ZNF521: variants seen among roughly 807,000 people sequenced by gnomAD.
ZNF521 encodes the protein zinc finger protein 521.
In ZNF521, 14 loss-of-function variants were observed where a neutral mutation model predicts 105.5. The observed-to-expected ratio is 0.13, with a 90% confidence interval of 0.09 to 0.21. The LOEUF is 0.21. Ranked by LOEUF, ZNF521 falls within the 10% of genes least tolerant of loss-of-function variation. The pLI is 1.00. For missense variants in ZNF521, 1,233 were observed against 1,629.7 expected, an observed-to-expected ratio of 0.76 and a Z score of 4.19; for synonymous variants, 635 against 606.0, an observed-to-expected ratio of 1.05 and a Z score of -0.70.
intron 5 of ZNF521, among the ~76,000 whole-genome samples, chr18:25,150,140 C>G (rs192222506): frequency 5.3e-5 from 8 of 152,124 alleles, no homozygotes; most frequent in Non-Finnish European, 1.2e-4. Flanking sequence ...TTGGATGGAA[C>G]TGGAGACCAT....
intron 2 of ZNF521, among the ~76,000 whole-genome samples, chr18:25,328,499 A>G (rs1600314491): frequency 1.3e-5 from 2 of 152,158 alleles, no homozygotes; most frequent in East Asian, 3.9e-4. Context: ...CCAATCAGAA[A>G]GATATACCCA....
At chr18:25,342,377 A>G (rs974056616) in intron 2 of ZNF521, among the ~76,000 whole-genome samples, 2 of 151,116 alleles carry the variant, frequency 1.3e-5, no homozygotes, top group Non-Finnish European at 2.9e-5. Flanking sequence ...GTTTGTGAAG[A>G]CTTTACAGCC....
chr18:25,072,678 A>G (rs2033256644), intron 7 of ZNF521, among the ~76,000 whole-genome samples: 1 of 152,230 alleles, frequency 6.6e-6, no homozygotes, highest in African/African-American at 2.4e-5. Flanking sequence ...GAAAATTTAA[A>G]TCAAACTATA....
chr18:25,253,211 C>T (rs148791051), intron 3 of ZNF521, among the ~76,000 whole-genome samples: 1 of 152,246 alleles, frequency 6.6e-6, no homozygotes, highest in East Asian at 1.9e-4. Flanking sequence ...AAGAATTTTC[C>T]TTTTGAATCC....
intron 5 of ZNF521, among the ~76,000 whole-genome samples, chr18:25,162,911 C>T (rs1052475282): frequency 2.0e-5 from 3 of 152,022 alleles, no homozygotes; most frequent in African/African-American, 7.3e-5. Flanking sequence ...GTTTAATATG[C>T]TAAGACTGGA....
At chr18:25,321,222 A>C (rs1227283976) in intron 3 of ZNF521, among the ~76,000 whole-genome samples, 1 of 152,210 alleles carries the variant, frequency 6.6e-6, no homozygotes, top group Non-Finnish European at 1.5e-5. Context: ...TGTATCTTAC[A>C]GAGTTCTATC....
intron 5 of ZNF521, among the ~76,000 whole-genome samples, chr18:25,093,573 G>A (rs1250331978): frequency 6.6e-6 from 1 of 152,126 alleles, no homozygotes; most frequent in Non-Finnish European, 1.5e-5. Flanking sequence ...CACTCTATTT[G>A]TATTCCTAAT....
rs190486830 is a variant in ZNF521, at chr18:25,069,259, C to T, written c.3907-6518G>A. On this transcript the variant is annotated intron_variant, in intron 7 of 7. Coordinates refer to ENST00000361524, the MANE Select transcript of ZNF521 (RefSeq NM_015461.3). ...AGTAAAATAGTTTTAAAAGTGTATA[C>T]AGCTAATGATGACAGGATCCTGGGT... Among the ~76,000 whole-genome samples, 20 of 152,186 alleles carry T rather than the reference C, an allele frequency of 1.3e-4. No homozygotes were observed. The East Asian group carries it at 3.5e-3, about 26-fold the overall frequency.
At chr18:25,098,938 T>A (rs1045600916) in intron 5 of ZNF521, among the ~76,000 whole-genome samples, 2 of 152,186 alleles carry the variant, frequency 1.3e-5, no homozygotes, top group African/African-American at 4.8e-5. Context: ...ATGAATGGAA[T>A]GATTGAAGAC....
chr18:25,245,877 T>C (rs1907676954), intron 3 of ZNF521, among the ~76,000 whole-genome samples: 1 of 152,130 alleles, frequency 6.6e-6, no homozygotes, highest in African/African-American at 2.4e-5. Flanking sequence ...CCAGATGTGA[T>C]GGTACATGCC....
chr18:25,068,787 G>C (rs1258399880), intron 7 of ZNF521, among the ~76,000 whole-genome samples: 1 of 152,158 alleles, frequency 6.6e-6, no homozygotes, highest in African/African-American at 2.4e-5. Context: ...ACCATTATGA[G>C]TCTGGCTGGC....
At chr18:25,129,264 TA>T (rs1331453392) in intron 5 of ZNF521, among the ~76,000 whole-genome samples, 32 of 79,852 alleles carry the variant, frequency 4.0e-4, no homozygotes, top group South Asian at 1.7e-3. Context: ...ATAATAATAA[TA>T]ATTATTATTA....
At chr18:25,199,874 T>C (rs2035962742) in intron 4 of ZNF521, among the ~76,000 whole-genome samples, 1 of 152,074 alleles carries the variant, frequency 6.6e-6, no homozygotes, top group South Asian at 2.1e-4. Context: ...TTTTGTTTTT[T>C]ACATAAATCT....
chr18:25,119,272 A>C (rs2034388088), intron 5 of ZNF521, among the ~76,000 whole-genome samples: 2 of 152,194 alleles, frequency 1.3e-5, no homozygotes, highest in Non-Finnish European at 2.9e-5. Flanking sequence ...CCCGCCAATG[A>C]CTAGACACAT....
intron 7 of ZNF521, among the ~76,000 whole-genome samples, chr18:25,063,376 G>A (rs968921522): frequency 2.6e-5 from 4 of 152,052 alleles, no homozygotes; most frequent in African/African-American, 9.7e-5. Flanking sequence ...CGTGGCTCAG[G>A]GGCAGATTAC....
chr18:25,238,084 T>C (rs975955791), intron 3 of ZNF521, among the ~76,000 whole-genome samples: 6 of 152,022 alleles, frequency 3.9e-5, no homozygotes, highest in African/African-American at 1.4e-4. Context: ...CACATCCAAA[T>C]CTCCAGTGCC....
At chr18:25,072,326 C>T (rs1461831793) in intron 7 of ZNF521, among the ~76,000 whole-genome samples, 1 of 152,128 alleles carries the variant, frequency 6.6e-6, no homozygotes, top group East Asian at 1.9e-4. Context: ...TTTAGTCCAC[C>T]AGCTTCCAAA....
chr18:25,170,308 G>A (rs995580796), intron 5 of ZNF521, among the ~76,000 whole-genome samples: 1 of 151,998 alleles, frequency 6.6e-6, no homozygotes, highest in Admixed American at 6.6e-5. Context: ...TTTAATAATA[G>A]ACTTAGAGCA....
At chr18:25,134,408 A>G (rs2034695453) in intron 5 of ZNF521, among the ~76,000 whole-genome samples, 1 of 152,208 alleles carries the variant, frequency 6.6e-6, no homozygotes, top group Non-Finnish European at 1.5e-5. Flanking sequence ...CCTGGGAATT[A>G]CTTGGACACA....
Sources: gnomAD v4.1 joint callset for allele counts (sites outside exome capture counted in the v4.1 genomes callset) on GRCh38, gnomAD v4.1.1 for gene constraint, MANE v1.5 for transcripts, NCBI Gene and HGNC (gene_info 2026-07-23, HGNC 2026-07-21) for gene names.